The following KIF6 variants were observed in gnomAD, a reference collection of about 807,000 sequenced individuals.
KIF6 encodes kinesin-like protein KIF6.
In KIF6, 106 loss-of-function variants were observed where a neutral mutation model predicts 112.7. The observed-to-expected ratio is 0.94, with a 90% confidence interval of 0.80 to 1.11. The LOEUF is 1.11. Ranked by LOEUF, KIF6 falls within the 50% of genes least tolerant of loss-of-function variation. The pLI is 0.00. For missense variants in KIF6, 929 were observed against 964.0 expected (o/e 0.96, Z 0.48); for synonymous variants, 339 against 339.9 (o/e 1.00, Z 0.03).
At chr6:39,346,426 A>C (rs1343559569) in intron 20 of KIF6, 50 bp downstream of exon 20, 1 of 716,954 alleles carries the variant, frequency 1.4e-6, no homozygotes, top group Admixed American at 2.0e-5. Context: ...CCACCATGTG[A>C]GGATGCGTCG....
Position 39,374,406 on chromosome 6 carries a change from C to T in KIF6, c.1861+11216G>A, listed in dbSNP as rs371517772. Among the ~76,000 whole-genome samples, 8 of 152,190 alleles carry T rather than the reference C, an allele frequency of 5.3e-5. No individual in the cohort carries two copies. The East Asian group carries it at 1.4e-3, about 26-fold the overall frequency. On this transcript the variant is annotated intron_variant, in intron 16 of 22. Coordinates refer to ENST00000287152, the MANE Select transcript of KIF6 (RefSeq NM_145027.6). ...TATATCAGACTAAAACGCTTTTGCA[C>T]AGCAAAGGAAACAATCAACAGACTA...
chr6:39,703,315 CA>C (rs1561943898), intron 3 of KIF6, among the ~76,000 whole-genome samples: 1 of 151,898 alleles, frequency 6.6e-6, no homozygotes, highest in African/African-American at 2.4e-5. Flanking sequence ...ATTTAAGAAA[CA>C]AAAGACTATG....
At chr6:39,713,587 G>A (rs1333796325) in intron 3 of KIF6, among the ~76,000 whole-genome samples, 1 of 152,142 alleles carries the variant, frequency 6.6e-6, no homozygotes, top group East Asian at 1.9e-4. Flanking sequence ...ATGTTAGGAA[G>A]TTTAAAAATA....
Position 39,357,324 on chromosome 6 carries a change from C to G in KIF6, c.2133G>C (p.Gln711His). 6.2e-7 allele frequency: 1 copy of G among 1,614,024 alleles called. No individual in the cohort carries two copies. Among genetic ancestry groups the G allele is most frequent in the Non-Finnish European group, 8.5e-7 (1 of 1,179,956 alleles). ...NSLDHTKPFLQTSDSQHEWSQ... is the reference protein window; with the variant it reads ...NSLDHTKPFLHTSDSQHEWSQ... ...ACCATTCATGCTGGGAGTCAGATGT[C>G]TGGAGAAATGGCTTCGTGTGATCGA... is the stretch of plus-strand genomic sequence containing the variant. Residue 711 changes from glutamine to histidine, a missense_variant, in exon 19 of 23, where the codon CAG (glutamine) becomes CAC (histidine). By Grantham distance (24) the Gln-to-His change is conservative. Coordinates refer to ENST00000287152, the MANE Select transcript of KIF6 (RefSeq NM_145027.6).
At chr6:39,412,869 C>T (rs992302496) in intron 15 of KIF6, among the ~76,000 whole-genome samples, 4 of 152,088 alleles carry the variant, frequency 2.6e-5, no homozygotes, top group African/African-American at 4.8e-5. Context: ...GGGGGCTTAT[C>T]GTGCTGCTGT....
chr6:39,444,565 G>A (rs1351472763), intron 13 of KIF6, among the ~76,000 whole-genome samples: 1 of 152,094 alleles, frequency 6.6e-6, no homozygotes, highest in Non-Finnish European at 1.5e-5. Context: ...CAAATATCAT[G>A]TATACAATAC....
chr6:39,537,637 C>T (rs1177089684), intron 13 of KIF6, among the ~76,000 whole-genome samples: 4 of 152,108 alleles, frequency 2.6e-5, no homozygotes, highest in Admixed American at 6.5e-5. Flanking sequence ...AATGGCCATA[C>T]TGCCCAAGGT....
At chr6:39,646,636 T>C (rs1044930663) in intron 3 of KIF6, among the ~76,000 whole-genome samples, 11 of 152,208 alleles carry the variant, frequency 7.2e-5, no homozygotes, top group African/African-American at 2.4e-4. Flanking sequence ...AAACAGTTGC[T>C]AGAAGCAAAA....
chr6:39,431,231 G>T, intron 13 of KIF6, 70 bp from the exon 14 acceptor site: 1 of 913,094 alleles, frequency 1.1e-6, no homozygotes, highest in Non-Finnish European at 1.8e-6. Flanking sequence ...TGTCACTTCA[G>T]TCAGACCACA....
chr6:39,656,844 C>T (rs1256291262), intron 3 of KIF6, among the ~76,000 whole-genome samples: 4 of 152,208 alleles, frequency 2.6e-5, no homozygotes, highest in African/African-American at 4.8e-5. Flanking sequence ...CCATAACTCT[C>T]ACCTTCCTAA....
At chr6:39,448,630 C>T (rs1772490376) in intron 13 of KIF6, among the ~76,000 whole-genome samples, 2 of 152,180 alleles carry the variant, frequency 1.3e-5, no homozygotes, top group Admixed American at 6.5e-5. Flanking sequence ...ACATTACTCC[C>T]TCCAAGTTTT....
chr6:39,629,152 T>C (rs1784236345), intron 5 of KIF6, among the ~76,000 whole-genome samples: 1 of 152,150 alleles, frequency 6.6e-6, no homozygotes, highest in Non-Finnish European at 1.5e-5. Context: ...AAGGTTTTTG[T>C]GTAGACATAA....
intron 15 of KIF6, among the ~76,000 whole-genome samples, chr6:39,416,242 C>T (rs1769910684): frequency 6.6e-6 from 1 of 152,246 alleles, no homozygotes; most frequent in African/African-American, 2.4e-5. Flanking sequence ...TGTAAAAAAA[C>T]TAATGCCTGG....
chr6:39,470,110 C>T (rs1185315697), intron 13 of KIF6, among the ~76,000 whole-genome samples: 2 of 152,094 alleles, frequency 1.3e-5, no homozygotes, highest in Non-Finnish European at 2.9e-5. Context: ...GTATGTTCTT[C>T]CATCACAGAA....
intron 22 of KIF6, among the ~76,000 whole-genome samples, chr6:39,336,846 G>A (rs1420281431): frequency 6.6e-6 from 1 of 151,550 alleles, no homozygotes; most frequent in Non-Finnish European, 1.5e-5. Context: ...CTGTCACCGA[G>A]GCTGGAGTCT....
chr6:39,363,097 C>A (rs893602612), intron 16 of KIF6, among the ~76,000 whole-genome samples: 1 of 152,098 alleles, frequency 6.6e-6, no homozygotes, highest in Non-Finnish European at 1.5e-5. Flanking sequence ...TGCAGTGAGC[C>A]GAGATCATGC....
At chr6:39,679,680 A>G (rs1359191013) in intron 3 of KIF6, among the ~76,000 whole-genome samples, 2 of 143,982 alleles carry the variant, frequency 1.4e-5, no homozygotes, top group Non-Finnish European at 3.0e-5. Flanking sequence ...CAGTGGTGCA[A>G]TCTCGGCTCA....
intron 19 of KIF6, among the ~76,000 whole-genome samples, chr6:39,354,670 C>G (rs1402629301): frequency 6.6e-6 from 1 of 152,136 alleles, no homozygotes; most frequent in Non-Finnish European, 1.5e-5. Context: ...ATTGGGTAAG[C>G]ATTGGGAAAG....
rs574698492 is a variant in KIF6 at position 39,336,227 on chromosome 6, C to A, written c.*305G>T. 3 of 370,654 alleles carry A rather than the reference C, an allele frequency of 8.1e-6. No individual in the cohort carries two copies. The highest frequency in any genetic ancestry group is 1.5e-5 in the Non-Finnish European group (3 of 205,648). The allele number at this position is 370,654 out of a possible 1,614,324, so 23.0% of individuals were successfully genotyped here. A position where few individuals can be genotyped will look rare whatever the true frequency, so the allele number is the denominator to read the frequency against. ...TCTCAAAAGCTTATAAAGATCTACACAAAACGTCACTACAACAGTGAGCTG... is the reference window on the plus strand; with the variant it reads ...TCTCAAAAGCTTATAAAGATCTACAAAAAACGTCACTACAACAGTGAGCTG... On this transcript the variant is annotated 3_prime_UTR_variant, in exon 23 of 23. Transcript: ENST00000287152.
Sources: allele counts gnomAD v4.1 joint callset (sites outside exome capture counted in the v4.1 genomes callset), GRCh38; gene constraint gnomAD v4.1.1; transcripts MANE v1.5; gene names NCBI Gene and HGNC (gene_info 2026-07-23, HGNC 2026-07-21).